The following ACOT7 variants were observed in gnomAD, a reference collection of about 807,000 sequenced individuals.
The protein encoded by ACOT7 is cytosolic acyl coenzyme A thioester hydrolase.
A neutral mutation model predicts 40.2 loss-of-function variants in ACOT7; 12 were observed. The ratio of observed to expected loss-of-function variants is 0.30; its 90% CI spans 0.19 to 0.48. The LOEUF is 0.48. Ranked by LOEUF, ACOT7 falls within the 20% of genes least tolerant of loss-of-function variation. ACOT7 has a pLI of 0.99. For synonymous variants in ACOT7, 228 were observed against 219.5 expected, an observed-to-expected ratio of 1.04 and a Z score of -0.34; for missense variants, 395 against 530.8, an observed-to-expected ratio of 0.74 and a Z score of 2.51.
In ACOT7 at chr1:6,375,453, A is replaced by G. The variant is rs117789214; in HGVS notation, c.143+17804T>C. Among the ~76,000 whole-genome samples the G allele has an allele frequency of 7.1e-4, 108 of 151,336 alleles. 1 individual carries two copies. The East Asian group carries it at 0.018, about 25-fold the overall frequency. Reference sequence around the variant, plus strand: ...GAGGTAGACGCGGGCGGATCACTTGAGGCCAGGAGTTAGAGACCAGTCTGG... The same window carrying G: ...GAGGTAGACGCGGGCGGATCACTTGGGGCCAGGAGTTAGAGACCAGTCTGG... On this transcript the variant is annotated intron_variant, in intron 1 of 8. Transcript: ENST00000361521.
intron 1 of ACOT7, among the ~76,000 whole-genome samples, chr1:6,368,400 G>T (rs1025874700): frequency 1.3e-5 from 2 of 152,086 alleles, no homozygotes; most frequent in Non-Finnish European, 2.9e-5. Context: ...CCCACTTCCC[G>T]CCCCAGGGCC....
intron 1 of ACOT7, among the ~76,000 whole-genome samples, chr1:6,354,166 G>A (rs573138123): frequency 8.6e-5 from 13 of 152,032 alleles, no homozygotes; most frequent in East Asian, 1.9e-4. Flanking sequence ...ACTCCCGGCC[G>A]GTGTCCCCTC....
chr1:6,334,158 G>A (rs950957739), intron 3 of ACOT7, among the ~76,000 whole-genome samples: 5 of 152,206 alleles, frequency 3.3e-5, no homozygotes, highest in South Asian at 2.1e-4. Flanking sequence ...GACGCCCTTC[G>A]TTCTGCCCGG....
At chr1:6,382,336 G>A (rs1437113035) in intron 1 of ACOT7, among the ~76,000 whole-genome samples, 1 of 151,508 alleles carries the variant, frequency 6.6e-6, no homozygotes, top group Admixed American at 6.6e-5. Flanking sequence ...TCCGGGAGGC[G>A]GAGCTTGCAG....
Position 6,383,175 on chromosome 1 carries a change from G to A in ACOT7, c.143+10082C>T, listed in dbSNP as rs562785018. Among the ~76,000 whole-genome samples the A allele has an allele frequency of 2.2e-3, 337 of 151,154 alleles. 2 individuals carry two copies. Among genetic ancestry groups the A allele is most frequent in the African/African-American group, 7.6e-3 (314 of 41,302 alleles). On this transcript the variant is annotated intron_variant, in intron 1 of 8. Coordinates refer to ENST00000361521, the MANE Select transcript of ACOT7 (RefSeq NM_007274.4). ...AATACAGGTGTGAGCCACCATGCCCGGCTAAGATGGCAGATTTTTTTTTTT... is the reference window on the plus strand; with the variant it reads ...AATACAGGTGTGAGCCACCATGCCCAGCTAAGATGGCAGATTTTTTTTTTT...
intron 4 of ACOT7, among the ~76,000 whole-genome samples, chr1:6,332,265 A>G (rs1344919478): frequency 1.3e-5 from 2 of 152,218 alleles, no homozygotes; most frequent in Non-Finnish European, 2.9e-5. Flanking sequence ...TCCCTCTAAG[A>G]AGAGCTCTTC....
At chr1:6,286,917 G>A (rs1040813345) in intron 7 of ACOT7, among the ~76,000 whole-genome samples, 6 of 152,204 alleles carry the variant, frequency 3.9e-5, no homozygotes, top group African/African-American at 1.2e-4. Flanking sequence ...CTTGCAGGGG[G>A]TAAAAGGAAT....
At chr1:6,328,883 C>T (rs905956468) in intron 4 of ACOT7, among the ~76,000 whole-genome samples, 6 of 150,052 alleles carry the variant, frequency 4.0e-5, no homozygotes, top group African/African-American at 1.5e-4. Flanking sequence ...GTGCTGGCCG[C>T]AGGCTGGTTC....
chr1:6,320,361 CAT>C (rs1640611544), intron 5 of ACOT7, among the ~76,000 whole-genome samples: 1 of 152,318 alleles, frequency 6.6e-6, no homozygotes, highest in African/African-American at 2.4e-5. Context: ...CAGTCAAGAT[CAT>C]AGTCACTGCT....
intron 6 of ACOT7, among the ~76,000 whole-genome samples, chr1:6,303,336 A>T (rs947384193): frequency 6.6e-6 from 1 of 152,230 alleles, no homozygotes; most frequent in Non-Finnish European, 1.5e-5. Context: ...GGGAAAAAAA[A>T]AAGACTTTCT....
At position 6,331,424 on chromosome 1, in the gene ACOT7, C is replaced by A. The variant is rs540761620; in HGVS notation, c.510+2053G>T. On this transcript the variant is annotated intron_variant, in intron 4 of 8. Transcript: ENST00000361521. ...AAGGGACGCCTGGAGCCACCCGGCG[C>A]TGGAGACGCCAGGAGGGATCCTCGC... Among the ~76,000 whole-genome samples the A allele has an allele frequency of 9.2e-5, 14 of 152,356 alleles. No individual in the cohort carries two copies. In the East Asian group the frequency reaches 2.5e-3, roughly 27 times the overall value.
intron 1 of ACOT7, chr1:6,360,640 G>A (rs201675875): frequency 1.9e-5 from 31 of 1,614,088 alleles, no homozygotes; most frequent in African/African-American, 4.0e-5. Flanking sequence ...AAGCTTCTCC[G>A]AAGCAGGAGC....
chr1:6,344,256 C>T (rs1349128903), intron 2 of ACOT7, among the ~76,000 whole-genome samples: 1 of 152,134 alleles, frequency 6.6e-6, no homozygotes, highest in East Asian at 1.9e-4. Flanking sequence ...AGAGGAGGCA[C>T]AAAAGCAGGT....
At chr1:6,388,510 G>A (rs1474411915) in intron 1 of ACOT7, among the ~76,000 whole-genome samples, 23 of 151,422 alleles carry the variant, frequency 1.5e-4, no homozygotes, top group Non-Finnish European at 3.1e-4. Flanking sequence ...AGGCCGAGGC[G>A]GGCAGATCAC....
At chr1:6,342,327 C>T (rs1641298951) in intron 2 of ACOT7, among the ~76,000 whole-genome samples, 1 of 152,162 alleles carries the variant, frequency 6.6e-6, no homozygotes. Flanking sequence ...AAGGCCCCAC[C>T]CCCTAATACC....
intron 1 of ACOT7, among the ~76,000 whole-genome samples, chr1:6,389,341 C>T (rs1293352304): frequency 2.0e-5 from 3 of 152,226 alleles, no homozygotes; most frequent in South Asian, 2.1e-4. Flanking sequence ...AAGTTATCTG[C>T]CTGCTGGGTG....
intron 6 of ACOT7, among the ~76,000 whole-genome samples, chr1:6,313,533 A>T (rs2148416357): frequency 6.6e-6 from 1 of 152,362 alleles, no homozygotes; most frequent in South Asian, 2.1e-4. Flanking sequence ...CTCTTCCTTC[A>T]TCAGTCACTC....
Position 6,355,074 on chromosome 1 carries a change from G to A in ACOT7, c.144-5208C>T, listed in dbSNP as rs904069436. Among the ~76,000 whole-genome samples, 3 of 152,124 alleles carry A rather than the reference G, an allele frequency of 2.0e-5. No individual in the cohort carries two copies. The highest frequency in any genetic ancestry group is 2.9e-5 in the Non-Finnish European group (2 of 68,000). ...AACTCTCACTGCCCTGCGGGGCTCC[G>A]ACCTGCACCTGCCAGAGCACTGCTG... On this transcript the variant is annotated intron_variant, in intron 1 of 8. Transcript: ENST00000361521. The surrounding 1 kb of genome is among the most constrained non-coding windows in gnomAD (Gnocchi z 5.0).
At chr1:6,384,963 G>T (rs1369221290) in intron 1 of ACOT7, among the ~76,000 whole-genome samples, 2 of 151,934 alleles carry the variant, frequency 1.3e-5, no homozygotes, top group East Asian at 1.9e-4. Context: ...CACAAAGGGG[G>T]AGGTATGTAT....
Sources: allele counts gnomAD v4.1 joint callset (sites outside exome capture counted in the v4.1 genomes callset), GRCh38; gene constraint gnomAD v4.1.1; non-coding constraint Gnocchi (gnomAD v3.1); transcripts MANE v1.5; gene names NCBI Gene and HGNC (gene_info 2026-07-23, HGNC 2026-07-21).